Variants in NR1H3 observed in about 807,000 individuals in gnomAD.
NR1H3 encodes the protein oxysterols receptor LXR-alpha.
A neutral mutation model predicts 48.1 loss-of-function variants in NR1H3; 19 were observed. That is an observed-to-expected ratio of 0.40 (90% CI 0.28 to 0.58). The LOEUF (loss-of-function observed/expected upper bound fraction) is 0.58, where lower values mean the gene tolerates loss of function less well. NR1H3 is among the 20% of genes least tolerant of loss of function. The pLI is 0.50. For synonymous variants in NR1H3, 232 were observed against 227.3 expected, an observed-to-expected ratio of 1.02 and a Z score of -0.19; for missense variants, 486 against 595.9, an observed-to-expected ratio of 0.82 and a Z score of 1.92.
chr11:47,261,515 TC>T, intron 5 of NR1H3, 31 bp from the exon 6 acceptor site: 3 of 1,611,316 alleles, frequency 1.9e-6, no homozygotes, highest in Non-Finnish European at 2.5e-6. Context: ...GATGTCCGAC[TC>T]AAAGCGCTTT....
chr11:47,267,808 C>T lies in NR1H3; in HGVS notation c.989-105C>T. 3.7e-6 allele frequency: 3 copies of T among 810,176 alleles called. No homozygotes were observed. The Admixed American group carries it at 5.8e-5, about 16-fold the overall frequency. 50.2% of individuals were successfully genotyped at this position (810,176 alleles called of 1,614,324 possible). On this transcript the variant is annotated intron_variant, in intron 7 of 9. Coordinates refer to ENST00000441012, the MANE Select transcript of NR1H3 (RefSeq NM_005693.4). ...ACAGGCGTGAGCCACTGTGCCCGGCCTCAGTAAACTTCTTAGTGAGTTCCT... is the reference window on the plus strand; with the variant it reads ...ACAGGCGTGAGCCACTGTGCCCGGCTTCAGTAAACTTCTTAGTGAGTTCCT...
chr11:47,252,873 C>T (rs963763221), intron 1 of NR1H3, among the ~76,000 whole-genome samples: 1 of 151,454 alleles, frequency 6.6e-6, no homozygotes, highest in Non-Finnish European at 1.5e-5. Context: ...CCGGCCCCAG[C>T]CGGCAGTTTT....
intron 7 of NR1H3, among the ~76,000 whole-genome samples, chr11:47,262,233 G>C (rs1247895343): frequency 6.6e-6 from 1 of 151,804 alleles, no homozygotes; most frequent in African/African-American, 2.4e-5. Flanking sequence ...CAAAAAATTA[G>C]TCAGGCATGG....
intron 1 of NR1H3, among the ~76,000 whole-genome samples, chr11:47,249,569 A>G (rs540624214): frequency 6.6e-6 from 1 of 152,222 alleles, no homozygotes; most frequent in East Asian, 1.9e-4. Flanking sequence ...ACCAGTGGGG[A>G]GGTATTTTGA....
upstream of NR1H3, among the ~76,000 whole-genome samples, chr11:47,255,828 C>T (rs1477750002): frequency 6.6e-6 from 1 of 150,762 alleles, no homozygotes; most frequent in African/African-American, 2.4e-5. Context: ...TCATCACACC[C>T]GGCTAATTTT....
intron 3 of NR1H3, among the ~76,000 whole-genome samples, 192 bp from the exon 4 acceptor site, chr11:47,260,217 A>G (rs954490836): frequency 1.3e-5 from 2 of 152,238 alleles, no homozygotes; most frequent in Admixed American, 1.3e-4. Flanking sequence ...ATCAGTGCAT[A>G]TAAAAGGCTC....
At chr11:47,250,180 G>T (rs1453208758) in intron 1 of NR1H3, among the ~76,000 whole-genome samples, 1 of 152,168 alleles carries the variant, frequency 6.6e-6, no homozygotes, top group Non-Finnish European at 1.5e-5. Context: ...GCCAGGGTGG[G>T]AAGATTGCTT....
At chr11:47,255,617 CTTTCTTTCTTTCTTTCTTTCTT>C (rs1955076568), upstream of NR1H3, among the ~76,000 whole-genome samples, 1 of 76,796 alleles carries the variant, frequency 1.3e-5, no homozygotes, top group African/African-American at 5.1e-5. Flanking sequence ...CTCTCTCTCT[CTTTCTTTCTTTCTTTCTTTCTT>C]TCTTTCTTTC....
In NR1H3 at chr11:47,267,985, C is replaced by T. The variant is rs751987916; in HGVS notation, c.1061C>T (p.Ala354Val). The T allele has an allele frequency of 6.2e-7, 1 of 1,614,018 alleles. No individual in the cohort carries two copies. Among genetic ancestry groups the T allele is most frequent in the Non-Finnish European group, 8.5e-7 (1 of 1,179,974 alleles). Residue 354 changes from alanine to valine, a missense_variant, in exon 8 of 10, where the codon GCC (alanine) becomes GTC (valine). By Grantham distance (64) the Ala-to-Val change is moderately conservative. Transcript: ENST00000441012. The stretch of plus-strand genomic sequence containing the variant: ...ATGAATGAGCTGCAACTCAATGATG[C>T]CGAGTTTGCCTTGCTCATTGCTATC... ...RAMNELQLND[A>V]EFALLIAISI... is the part of the protein sequence containing the mutation.
Position 47,268,953 on chromosome 11 carries a change from GGTTCTCCAGA to G in NR1H3, c.*259_*268del, listed in dbSNP as rs1565215241. 2.1e-6 allele frequency: 1 copy of G among 485,204 alleles called. No homozygotes were observed. The highest frequency in any genetic ancestry group is 3.7e-5 in the East Asian group (1 of 27,102). The allele number at this position is 485,204 out of a possible 1,614,324, so 30.1% of individuals were successfully genotyped here. A position where few individuals can be genotyped will look rare whatever the true frequency, so the allele number is the denominator to read the frequency against. ...TGGGCCTGGGGGCCACTTTGCACAGGGTTCTCCAGAGCCCTGCCCATCCTGCCTCCACCAC... is the reference window on the plus strand; with the variant it reads ...TGGGCCTGGGGGCCACTTTGCACAGGGCCCTGCCCATCCTGCCTCCACCAC... On this transcript the variant is annotated 3_prime_UTR_variant, in exon 10 of 10. Transcript: ENST00000441012.
In NR1H3 at chr11:47,259,231, G is replaced by A; in HGVS notation, c.15G>A (p.Leu5=). 2.5e-6 allele frequency: 4 copies of A among 1,613,782 alleles called. No individual in the cohort carries two copies. Among genetic ancestry groups the A allele is most frequent in the South Asian group, 1.1e-5 (1 of 91,072 alleles). ...TCCAGGAAGAGATGTCCTTGTGGCT[G>A]GGGGCCCCTGTGCCTGACATTCCTC... MSLW[L]GAPVPDIPPD... is the part of the protein sequence containing the mutation. Residue 5 remains leucine, a synonymous_variant, in exon 2 of 10, where the codon CTG becomes CTA. Coordinates refer to ENST00000441012, the MANE Select transcript of NR1H3 (RefSeq NM_005693.4).
chr11:47,248,804 A>G, upstream of NR1H3: 1 of 1,578,570 alleles, frequency 6.3e-7, no homozygotes, highest in Non-Finnish European at 8.6e-7. Context: ...GTTGTAATCT[A>G]TGCAGCAAAC....
chr11:47,256,035 ATCTT>A (rs1021399860), upstream of NR1H3, among the ~76,000 whole-genome samples: 2 of 151,360 alleles, frequency 1.3e-5, no homozygotes, highest in Admixed American at 6.6e-5. Flanking sequence ...TATTTTATTT[ATCTT>A]TCTTTCTTTT....
intron 7 of NR1H3, among the ~76,000 whole-genome samples, chr11:47,262,423 T>A (rs996771383): frequency 6.0e-5 from 9 of 151,058 alleles, no homozygotes; most frequent in African/African-American, 2.2e-4. Flanking sequence ...GGTCCCAAAC[T>A]CCTGGCCTCA....
chr11:47,260,313 A>T (rs1955697218), intron 3 of NR1H3, 96 bp from the exon 4 acceptor site: 6 of 1,463,180 alleles, frequency 4.1e-6, no homozygotes, highest in Non-Finnish European at 9.2e-7. Flanking sequence ...TAATGAAGGG[A>T]ATGAAGGTCA....
chr11:47,267,986 C>A lies in NR1H3; in HGVS notation c.1062C>A (p.Ala354=), dbSNP rs149370955. ...TGAATGAGCTGCAACTCAATGATGC[C>A]GAGTTTGCCTTGCTCATTGCTATCA... ...RAMNELQLND[A]EFALLIAISI... Residue 354 remains alanine, a synonymous_variant, in exon 8 of 10, where the codon GCC becomes GCA. Coordinates refer to ENST00000441012, the MANE Select transcript of NR1H3 (RefSeq NM_005693.4). The A allele has an allele frequency of 1.9e-6, 3 of 1,613,970 alleles. No homozygotes were observed. The South Asian group carries it at 3.3e-5, about 18-fold the overall frequency.
At chr11:47,249,564 T>C (rs572335019) in intron 1 of NR1H3, among the ~76,000 whole-genome samples, 1 of 152,094 alleles carries the variant, frequency 6.6e-6, no homozygotes, top group South Asian at 2.1e-4. Context: ...TTCAGACCAG[T>C]GGGGAGGTAT....
chr11:47,257,461 C>T (rs1955291000), upstream of NR1H3: 4 of 167,210 alleles, frequency 2.4e-5, no homozygotes, highest in Admixed American at 2.6e-4. Flanking sequence ...CCCTGGAAGG[C>T]CCAGCACCTG....
At chr11:47,248,709 G>A, upstream of NR1H3, 1 of 1,612,076 alleles carries the variant, frequency 6.2e-7, no homozygotes, top group Non-Finnish European at 8.5e-7. Flanking sequence ...GGGCCCGGGT[G>A]GGCGGCATCA....
Sources: allele counts gnomAD v4.1 joint callset (sites outside exome capture counted in the v4.1 genomes callset), GRCh38; gene constraint gnomAD v4.1.1; transcripts MANE v1.5; gene names NCBI Gene and HGNC (gene_info 2026-07-23, HGNC 2026-07-21).